Variants in NADK2 observed in about 807,000 individuals in gnomAD.
NADK2 encodes NAD kinase 2, mitochondrial, also known as NAD kinase domain-containing protein 1, mitochondrial.
In NADK2, 35 loss-of-function variants were observed where a neutral mutation model predicts 62.1. That is an observed-to-expected ratio of 0.56 (90% CI 0.43 to 0.75). The LOEUF is 0.75. NADK2 is among the 30% of genes least tolerant of loss of function. The probability of loss-of-function intolerance (pLI) is 0.00; values close to 1 mark genes in which losing one functional copy is unlikely to be tolerated. For synonymous variants in NADK2, 205 were observed against 207.9 expected (o/e 0.99, Z 0.12); for missense variants, 439 against 561.3 (o/e 0.78, Z 2.20).
chr5:36,200,301 GA>G (rs780608857), intron 9 of NADK2, 21 bp from the exon 10 acceptor site: 3 of 1,539,914 alleles, frequency 1.9e-6, no homozygotes, highest in Non-Finnish European at 2.7e-6. Context: ...AGGAAAGGGG[GA>G]AAATGTATGT....
At chr5:36,224,828 T>C (rs1747421275) in intron 4 of NADK2, among the ~76,000 whole-genome samples, 1 of 152,044 alleles carries the variant, frequency 6.6e-6, no homozygotes, top group African/African-American at 2.4e-5. Flanking sequence ...TGAGGGTAAA[T>C]ATCACGAAGC....
chr5:36,216,911 AT>A (rs1747065236), intron 6 of NADK2, among the ~76,000 whole-genome samples: 2 of 152,174 alleles, frequency 1.3e-5, no homozygotes, highest in South Asian at 4.1e-4. Context: ...ATTTCTTAAG[AT>A]TTTTTTAAAT....
chr5:36,221,119 G>A (rs77199947), intron 4 of NADK2: 2 of 152,318 alleles, frequency 1.3e-5, no homozygotes, highest in East Asian at 3.9e-4. Context: ...AAGCTACCTT[G>A]GAGGCTGACT....
chr5:36,219,789 T>C (rs1014552845), intron 4 of NADK2, 110 bp from the exon 5 acceptor site: 15 of 757,926 alleles, frequency 2.0e-5, no homozygotes, highest in Non-Finnish European at 3.2e-5. Context: ...GAAATGAAAT[T>C]CTAAAAATGT....
intron 6 of NADK2, among the ~76,000 whole-genome samples, chr5:36,214,236 C>T (rs1329665659): frequency 1.3e-5 from 2 of 152,078 alleles, no homozygotes; most frequent in African/African-American, 2.4e-5. Flanking sequence ...GGCTGGAGTG[C>T]GATGGCACAA....
intron 8 of NADK2, among the ~76,000 whole-genome samples, chr5:36,204,618 A>C (rs780003384): frequency 5.3e-5 from 8 of 152,136 alleles, no homozygotes; most frequent in Non-Finnish European, 1.0e-4. Context: ...TTAAAGGATT[A>C]AGTTTTTTTC....
intron 11 of NADK2, 92 bp from the exon 12 acceptor site, chr5:36,195,374 C>A: frequency 2.3e-6 from 3 of 1,316,622 alleles, no homozygotes; most frequent in Non-Finnish European, 3.1e-6. Context: ...CATTTGGCCT[C>A]CATTTTAAAA....
At chr5:36,222,222 C>G (rs1747297750) in intron 4 of NADK2, among the ~76,000 whole-genome samples, 1 of 147,892 alleles carries the variant, frequency 6.8e-6, no homozygotes, top group South Asian at 2.2e-4. Context: ...TATAAGGGAA[C>G]TTTTGACAAA....
At chr5:36,230,154 C>A (rs545175656) in intron 1 of NADK2, among the ~76,000 whole-genome samples, 1 of 152,090 alleles carries the variant, frequency 6.6e-6, no homozygotes, top group Non-Finnish European at 1.5e-5. Context: ...ACAAATGGCA[C>A]TTTCTTCCTA....
chr5:36,233,271 A>C (rs182121960), intron 1 of NADK2, among the ~76,000 whole-genome samples: 10 of 152,246 alleles, frequency 6.6e-5, no homozygotes, highest in African/African-American at 1.2e-4. Context: ...ACTAACCTTA[A>C]CACCACCACA....
chr5:36,238,663 A>G (rs921323819), intron 1 of NADK2, among the ~76,000 whole-genome samples: 2 of 152,226 alleles, frequency 1.3e-5, no homozygotes, highest in Non-Finnish European at 2.9e-5. Context: ...CAACAGCTAC[A>G]TCTCTTAATG....
intron 8 of NADK2, among the ~76,000 whole-genome samples, chr5:36,203,158 G>C (rs1417190943): frequency 1.3e-5 from 2 of 152,094 alleles, no homozygotes; most frequent in African/African-American, 4.8e-5. Context: ...CTTTGGGAAA[G>C]TCAGTTAACT....
chr5:36,225,734 C>T lies in NADK2; in HGVS notation c.479-111G>A, dbSNP rs767765854. ...AACAATCATACCCCACCCTGCTAAC[C>T]GCTATAGCCTATCCCACTCCCTTTC... On this transcript the variant is annotated intron_variant, in intron 3 of 11. Transcript: ENST00000381937. 7.6e-4 allele frequency: 606 copies of T among 796,118 alleles called. 2 individuals carry two copies. The highest frequency in any genetic ancestry group is 2.3e-4 in the Middle Eastern group (1 of 4,280). The allele number at this position is 796,118 out of a possible 1,614,324, so 49.3% of individuals were successfully genotyped here.
chr5:36,204,748 A>C (rs1746571910), intron 8 of NADK2, among the ~76,000 whole-genome samples: 2 of 152,020 alleles, frequency 1.3e-5, no homozygotes, highest in Non-Finnish European at 2.9e-5. Context: ...TATTTGGCTA[A>C]GTTTTTTTAT....
At chr5:36,235,529 G>A (rs1747871123) in intron 1 of NADK2, among the ~76,000 whole-genome samples, 1 of 152,160 alleles carries the variant, frequency 6.6e-6, no homozygotes, top group South Asian at 2.1e-4. Context: ...ACTTGCTCAA[G>A]ATTACAAAGA....
rs1746111468 is a variant in NADK2, at chr5:36,193,646, T to C, written c.*1498A>G. 6.6e-6 allele frequency: 1 copy of C among 152,200 alleles called. No individual in the cohort carries two copies. The highest frequency in any genetic ancestry group is 1.5e-5 in the Non-Finnish European group (1 of 68,006). The allele number at this position is 152,200 out of a possible 1,614,324, so 9.4% of individuals were successfully genotyped here. A position where few individuals can be genotyped will look rare whatever the true frequency, so the allele number is the denominator to read the frequency against. ...TTCTATCTGATATGTCATAAATTCT[T>C]TGCTATGAATGTCTACGCAGATACT... On this transcript the variant is annotated 3_prime_UTR_variant, in exon 12 of 12. Transcript: ENST00000381937.
chr5:36,193,328 T>C lies in NADK2; in HGVS notation c.*1816A>G, dbSNP rs1746089639. ...CATATCTACTAAAAATACAAAAAAT[T>C]AGCCAGGCATAGTGGTGCCTGCCTG... On this transcript the variant is annotated 3_prime_UTR_variant, in exon 12 of 12. Transcript: ENST00000381937. The C allele has an allele frequency of 6.6e-6, 1 of 151,848 alleles. No homozygotes were observed. Among genetic ancestry groups the C allele is most frequent in the African/African-American group, 2.4e-5 (1 of 41,340 alleles). 9.4% of individuals were successfully genotyped at this position (151,848 alleles called of 1,614,324 possible).
intron 1 of NADK2, among the ~76,000 whole-genome samples, chr5:36,237,070 T>G (rs898800179): frequency 6.6e-6 from 1 of 152,150 alleles, no homozygotes; most frequent in African/African-American, 2.4e-5. Flanking sequence ...ACAGGGCTGG[T>G]GAAAGTAAAA....
intron 11 of NADK2, among the ~76,000 whole-genome samples, chr5:36,195,906 CAGTGGTG>C (rs1746213950): frequency 1.3e-5 from 2 of 152,322 alleles, no homozygotes; most frequent in East Asian, 3.9e-4. Flanking sequence ...ATAATATGCA[CAGTGGTG>C]CCTGTCTTTT....
Sources: allele counts gnomAD v4.1 joint callset (sites outside exome capture counted in the v4.1 genomes callset), GRCh38; gene constraint gnomAD v4.1.1; transcripts MANE v1.5; gene names NCBI Gene and HGNC (gene_info 2026-07-23, HGNC 2026-07-21).